The following CCDC124 variants were observed in gnomAD, a reference collection of about 807,000 sequenced individuals.
The protein encoded by CCDC124 is coiled-coil domain-containing protein 124.
CCDC124 carries 9 observed loss-of-function variants against 19.8 expected under a neutral mutation model. The ratio of observed to expected loss-of-function variants is 0.45; its 90% CI spans 0.27 to 0.79. The LOEUF (loss-of-function observed/expected upper bound fraction) is 0.79, where lower values mean the gene tolerates loss of function less well. Among genes scored for constraint, CCDC124 ranks in the 30% least tolerant of loss-of-function variants. The probability of loss-of-function intolerance (pLI) is 0.14; values close to 1 mark genes in which losing one functional copy is unlikely to be tolerated. For missense variants in CCDC124, 285 were observed against 319.0 expected, an observed-to-expected ratio of 0.89 and a Z score of 0.81; for synonymous variants, 126 against 131.3, an observed-to-expected ratio of 0.96 and a Z score of 0.27.
intron 2 of CCDC124, among the ~76,000 whole-genome samples, chr19:17,937,581 G>C (rs1467724373): frequency 2.6e-5 from 4 of 152,112 alleles, no homozygotes; most frequent in South Asian, 2.1e-4. Context: ...GGAGACCAGA[G>C]ATGCTGACAC....
rs569421442 is a variant in CCDC124, at chr19:17,943,127, G to A, written c.350-134G>A. 2.0e-4 allele frequency: 162 copies of A among 807,606 alleles called. No homozygotes were observed. In the East Asian group the frequency reaches 3.7e-3, roughly 18 times the overall value. The allele number at this position is 807,606 out of a possible 1,614,324, so 50.0% of individuals were successfully genotyped here. A position where few individuals can be genotyped will look rare whatever the true frequency, so the allele number is the denominator to read the frequency against. On this transcript the variant is annotated intron_variant, in intron 3 of 4. Transcript: ENST00000445755. The stretch of plus-strand genomic sequence containing the variant: ...CCAAGAGGGCTTATCAGCTGAAGTC[G>A]CGATTCCATCCCCCCTCATCTCTCC...
At chr19:17,939,574 C>T (rs1331520924) in intron 2 of CCDC124, among the ~76,000 whole-genome samples, 2 of 151,832 alleles carry the variant, frequency 1.3e-5, no homozygotes, top group African/African-American at 4.8e-5. Flanking sequence ...GCCCAGATCA[C>T]GTGGCTATGA....
At position 17,942,641 on chromosome 19, in the gene CCDC124, A is replaced by T; in HGVS notation, c.160-15A>T. The T allele has an allele frequency of 1.9e-6, 3 of 1,551,654 alleles. No individual in the cohort carries two copies. The highest frequency in any genetic ancestry group is 8.7e-7 in the Non-Finnish European group (1 of 1,147,886). On this transcript the variant is annotated splice_polypyrimidine_tract_variant and intron_variant, in intron 2 of 4. Coordinates refer to ENST00000445755, the MANE Select transcript of CCDC124 (RefSeq NM_001136203.2). The surrounding 1 kb of genome is among the most constrained non-coding windows in gnomAD (Gnocchi z 4.2). ...TGTGGGGTCTTCTGCCTGACCATGC[A>T]CGCCGCCCCCGCAGGAGGAGAAGGA... is the stretch of plus-strand genomic sequence containing the variant.
chr19:17,943,496 G>A lies in CCDC124; in HGVS notation c.465-12G>A, dbSNP rs770252773. 22 of 1,608,478 alleles carry A rather than the reference G, an allele frequency of 1.4e-5. No homozygotes were observed. The highest frequency in any genetic ancestry group is 1.8e-5 in the Non-Finnish European group (21 of 1,178,928). ...GCGCCCAAGGCCCCCTGACGCTCAT[G>A]TCCACCCCCAGCGTGGCGGAGGAGG... On this transcript the variant is annotated splice_polypyrimidine_tract_variant and intron_variant, in intron 4 of 4. Transcript: ENST00000445755.
At chr19:17,936,731 A>G (rs1471671032) in intron 2 of CCDC124, 152 bp downstream of exon 2, 7 of 971,054 alleles carry the variant, frequency 7.2e-6, no homozygotes, top group Non-Finnish European at 8.9e-6. Context: ...CTGTCATCCC[A>G]GTACTTTGGG....
At chr19:17,936,926 G>A (rs2031078940) in intron 2 of CCDC124, 1 of 165,886 alleles carries the variant, frequency 6.0e-6, no homozygotes, top group Non-Finnish European at 1.3e-5. Context: ...AGTGAGCCGA[G>A]GTCTCCCCGC....
chr19:17,943,423 GGGGGCGGGGCTACCTGGGGGC>G, intron 4 of CCDC124, 48 bp downstream of exon 4: 1 of 1,548,986 alleles, frequency 6.5e-7, no homozygotes, highest in African/African-American at 1.4e-5. Flanking sequence ...GCTGGTCATC[GGGGGCGGGGCTACCTGGGGGC>G]GGGGCCGGGC....
At chr19:17,937,976 G>A (rs1329459582) in intron 2 of CCDC124, among the ~76,000 whole-genome samples, 3 of 152,132 alleles carry the variant, frequency 2.0e-5, no homozygotes, top group South Asian at 2.1e-4. Context: ...CAGGTGATCC[G>A]CCTGCCTTGG....
chr19:17,935,444 G>A (rs867071843), intron 1 of CCDC124, among the ~76,000 whole-genome samples: 80 of 150,456 alleles, frequency 5.3e-4, no homozygotes, highest in African/African-American at 1.7e-3. Flanking sequence ...TTTTTGAGAT[G>A]GAGTCTCGCT....
chr19:17,941,417 C>T (rs1194394858), intron 2 of CCDC124, among the ~76,000 whole-genome samples: 2 of 151,070 alleles, frequency 1.3e-5, no homozygotes, highest in Non-Finnish European at 2.9e-5. Context: ...GAGGCTGAGG[C>T]ATGAGAATTG....
chr19:17,941,566 G>A (rs1051094132), intron 2 of CCDC124, among the ~76,000 whole-genome samples: 3 of 151,662 alleles, frequency 2.0e-5, no homozygotes, highest in Non-Finnish European at 4.4e-5. Context: ...GACACGCATC[G>A]GTCGGGGAGC....
At position 17,936,622 on chromosome 19, in the gene CCDC124, C is replaced by A. The variant is rs1195310315; in HGVS notation, c.159+43C>A. Reference sequence around the variant, plus strand: ...CCCCGCGGCCCGCATGCCTTGTGGCCAAGGCCAGTGGTCATTATGTCAATG... The same window carrying A: ...CCCCGCGGCCCGCATGCCTTGTGGCAAAGGCCAGTGGTCATTATGTCAATG... On this transcript the variant is annotated intron_variant, in intron 2 of 4. Coordinates refer to ENST00000445755, the MANE Select transcript of CCDC124 (RefSeq NM_001136203.2). 3 of 1,583,378 alleles carry A rather than the reference C, an allele frequency of 1.9e-6. No individual in the cohort carries two copies. The Admixed American group carries it at 5.4e-5, about 29-fold the overall frequency.
intron 2 of CCDC124, among the ~76,000 whole-genome samples, chr19:17,937,541 G>T (rs1029389023): frequency 9.9e-5 from 15 of 152,090 alleles, no homozygotes; most frequent in African/African-American, 3.6e-4. Flanking sequence ...ATAACTCGGG[G>T]AGAGGGGGTG....
intron 1 of CCDC124, among the ~76,000 whole-genome samples, chr19:17,935,860 G>T (rs1205960842): frequency 6.6e-6 from 1 of 152,104 alleles, no homozygotes; most frequent in Admixed American, 6.6e-5. Context: ...TAGGATTACA[G>T]GCGTGAGCCA....
In CCDC124 at chr19:17,943,697, C is replaced by T. The variant is rs2031246171; in HGVS notation, c.654C>T (p.Pro218=). 6.2e-7 allele frequency: 1 copy of T among 1,612,732 alleles called. No individual in the cohort carries two copies. Among genetic ancestry groups the T allele is most frequent in the Non-Finnish European group, 8.5e-7 (1 of 1,179,892 alleles). Residue 218 remains proline, a synonymous_variant, in exon 5 of 5, where the codon CCC becomes CCT. Transcript: ENST00000445755. ...PDNPMNQRAV[P]FNAPK ...ACCCCATGAACCAGCGGGCCGTGCC[C>T]TTCAATGCCCCCAAGTGAGCCCAGA...
chr19:17,933,444 G>A (rs1255082973), intron 1 of CCDC124, among the ~76,000 whole-genome samples: 2 of 152,138 alleles, frequency 1.3e-5, no homozygotes, highest in African/African-American at 2.4e-5. Flanking sequence ...CTTCACATCC[G>A]TGGGGTCTTA....
intron 2 of CCDC124, among the ~76,000 whole-genome samples, chr19:17,938,022 T>C (rs1761240483): frequency 6.6e-6 from 1 of 152,154 alleles, no homozygotes; most frequent in South Asian, 2.1e-4. Context: ...CCTGAGCCAA[T>C]GTGCCCGGCC....
Position 17,943,247 on chromosome 19 carries a change from ACCCACCCG to A in CCDC124, c.350-9_350-2del. 2 of 306,664 alleles carry A rather than the reference ACCCACCCG, an allele frequency of 6.5e-6. No homozygotes were observed. Among genetic ancestry groups the A allele is most frequent in the African/African-American group, 4.1e-5 (1 of 24,558 alleles). 19.0% of individuals were successfully genotyped at this position (306,664 alleles called of 1,614,324 possible). ...TTATCTCTCTCTGTCTCTGTCACCC[ACCCACCCG>A]CCCAGCCGAGAAAGCCAAGAGCCAT... On this transcript the variant is annotated splice_polypyrimidine_tract_variant and splice_region_variant and intron_variant, in intron 3 of 4. Coordinates refer to ENST00000445755, the MANE Select transcript of CCDC124 (RefSeq NM_001136203.2).
At chr19:17,935,605 T>A (rs1411832511) in intron 1 of CCDC124, among the ~76,000 whole-genome samples, 1 of 148,924 alleles carries the variant, frequency 6.7e-6, no homozygotes, top group Non-Finnish European at 1.5e-5. Context: ...TTTTTGAGAG[T>A]GAGTCTCACT....
Sources: gnomAD v4.1 joint callset for allele counts (sites outside exome capture counted in the v4.1 genomes callset) on GRCh38, gnomAD v4.1.1 for gene constraint, Gnocchi (gnomAD v3.1) non-coding constraint, MANE v1.5 for transcripts, NCBI Gene and HGNC (gene_info 2026-07-23, HGNC 2026-07-21) for gene names.